Variants in ARMC9 observed in about 807,000 individuals in gnomAD.
ARMC9 encodes armadillo repeat containing 9.
In ARMC9, 94 loss-of-function variants were observed where a neutral mutation model predicts 107.0. The ratio of observed to expected loss-of-function variants is 0.88; its 90% CI spans 0.74 to 1.04. The LOEUF (loss-of-function observed/expected upper bound fraction) is 1.04. Ranked by LOEUF, ARMC9 falls within the 50% of genes least tolerant of loss-of-function variation. ARMC9 has a pLI of 0.00. For synonymous variants in ARMC9, 380 were observed against 396.9 expected (o/e 0.96, Z 0.51); for missense variants, 942 against 1,030.1 (o/e 0.91, Z 1.17).
Position 231,262,336 on chromosome 2 carries a change from A to C in ARMC9, c.1057A>C (p.Arg353=), listed in dbSNP as rs2038445450. ...GACCACATCCCATCCTGGAGAGCAG[A>C]GGGAGACCGTTCTGCAAGCCTACAT... ...RLTTSHPGEQ[R]ETVLQAYISN... Residue 353 remains arginine (R), a synonymous_variant, in exon 12 of 25, where the codon AGG becomes CGG. Coordinates refer to ENST00000611582, the MANE Select transcript of ARMC9 (RefSeq NM_001352754.2). The C allele has an allele frequency of 1.2e-6, 2 of 1,614,068 alleles. No homozygotes were observed. Among genetic ancestry groups the C allele is most frequent in the Non-Finnish European group, 8.5e-7 (1 of 1,180,044 alleles).
In ARMC9 at chr2:231,276,716, C is replaced by T. The variant is rs766125721; in HGVS notation, c.1415C>T (p.Ser472Phe). 3 of 1,614,196 alleles carry T rather than the reference C, an allele frequency of 1.9e-6. No individual in the cohort carries two copies. The highest frequency in any genetic ancestry group is 2.5e-6 in the Non-Finnish European group (3 of 1,180,042). ...VDVLKDPDCL[S>F]DYTLEYSVAL... ...GTTCTGAAGGACCCTGACTGCCTGT[C>T]TGACTACACGCTGGAGTACTCGGTG... Residue 472 changes from serine to phenylalanine, a missense_variant, in exon 15 of 25, where the codon TCT becomes TTT. By Grantham distance (155) the Ser-to-Phe change is radical (BLOSUM62 -2). Coordinates refer to ENST00000611582, the MANE Select transcript of ARMC9 (RefSeq NM_001352754.2).
intron 20 of ARMC9, among the ~76,000 whole-genome samples, chr2:231,343,807 C>T (rs558050834): frequency 2.0e-5 from 3 of 151,886 alleles, no homozygotes; most frequent in African/African-American, 7.2e-5. Flanking sequence ...GACAGAGTGG[C>T]GTGCACTTGT....
At chr2:231,339,322 C>CT (rs1041188666) in intron 20 of ARMC9, among the ~76,000 whole-genome samples, 1 of 148,024 alleles carries the variant, frequency 6.8e-6, no homozygotes, top group African/African-American at 2.5e-5. Flanking sequence ...GAGCAAGACT[C>CT]TGTCTTGTGA....
intron 19 of ARMC9, among the ~76,000 whole-genome samples, chr2:231,307,497 G>T (rs1350047712): frequency 1.3e-5 from 2 of 152,180 alleles, no homozygotes; most frequent in Non-Finnish European, 2.9e-5. Flanking sequence ...TCTGGAAGGG[G>T]CAGTCCCTCC....
Position 231,370,111 on chromosome 2 carries a change from C to T in ARMC9, c.2420C>T (p.Thr807Ile). The T allele has an allele frequency of 6.5e-7, 1 of 1,530,086 alleles. No homozygotes were observed. The highest frequency in any genetic ancestry group is 8.7e-7 in the Non-Finnish European group (1 of 1,143,090). The allele number at this position is 1,530,086 out of a possible 1,614,324, so 94.8% of individuals were successfully genotyped here. A position where few individuals can be genotyped will look rare whatever the true frequency, so the allele number is the denominator to read the frequency against. ...CGCCCCGGCTCCACAGCGTCCTCCACAAGGGGCCTGCCGAGTAAGTCAGCC... is the reference window on the plus strand; with the variant it reads ...CGCCCCGGCTCCACAGCGTCCTCCATAAGGGGCCTGCCGAGTAAGTCAGCC... ...ASRPGSTASS[T>I]RGLPSSQSHR... The change falls in exon 24 of 25, where the codon ACA becomes ATA. Residue 807 changes from threonine to isoleucine, a missense_variant. Physicochemically the swap from Thr to Ile is moderately conservative, Grantham distance 89 (BLOSUM62 -1). Coordinates refer to ENST00000611582, the MANE Select transcript of ARMC9 (RefSeq NM_001352754.2).
rs749322253 is a variant in ARMC9 at position 231,209,049 on chromosome 2, G to A, written c.177+797G>A. The stretch of plus-strand genomic sequence containing the variant: ...CCCTAGTAGCTAGGATTACAGGCAC[G>A]TGCTACTGCGTCTGGCTAATTTTTG... On this transcript the variant is annotated intron_variant, in intron 3 of 24. Coordinates refer to ENST00000611582, the MANE Select transcript of ARMC9 (RefSeq NM_001352754.2). Among the ~76,000 whole-genome samples the A allele has an allele frequency of 4.9e-4, 74 of 150,370 alleles. 1 individual carries two copies. The highest frequency in any genetic ancestry group is 8.7e-4 in the Non-Finnish European group (59 of 67,898).
chr2:231,254,975 C>CA (rs1352936313), intron 9 of ARMC9, among the ~76,000 whole-genome samples: 1 of 152,160 alleles, frequency 6.6e-6, no homozygotes, highest in Non-Finnish European at 1.5e-5. Flanking sequence ...CACATAGCCA[C>CA]AACACCAAAT....
At chr2:231,369,827 C>A in intron 23 of ARMC9, 126 bp from the exon 24 acceptor site, 1 of 1,044,094 alleles carries the variant, frequency 9.6e-7, no homozygotes, top group Non-Finnish European at 1.3e-6. Context: ...CTCCTGACTT[C>A]AGGTGATTTG....
At chr2:231,237,175 C>CGTGTGTGTGTGT (rs58607252) in intron 8 of ARMC9, among the ~76,000 whole-genome samples, 4,030 of 148,768 alleles carry the variant, frequency 0.027, 68 homozygotes, top group Non-Finnish European at 0.036. Flanking sequence ...TCTGCGTATG[C>CGTGTGTGTGTGT]GTGTGTGTGT....
rs115345376 is a variant in ARMC9 at position 231,243,570 on chromosome 2, G to A, written c.879+3529G>A. ...ATGTTAGCAGCAAAATACAGACTTT[G>A]TCTAACCACTGGAAACCAGAGGAGG... is the stretch of plus-strand genomic sequence containing the variant. On this transcript the variant is annotated intron_variant, in intron 9 of 24. Transcript: ENST00000611582. Among the ~76,000 whole-genome samples the A allele has an allele frequency of 4.0e-3, 610 of 152,274 alleles. 3 individuals carry two copies. The highest frequency in any genetic ancestry group is 0.017 in the Middle Eastern group (5 of 294).
intron 23 of ARMC9, among the ~76,000 whole-genome samples, chr2:231,367,268 GT>G (rs1262752163): frequency 6.6e-6 from 1 of 152,142 alleles, no homozygotes; most frequent in Non-Finnish European, 1.5e-5. Context: ...GAGGTGGGAC[GT>G]TACGGATTCC....
chr2:231,327,510 G>A (rs1407382868), intron 19 of ARMC9, among the ~76,000 whole-genome samples: 1 of 152,154 alleles, frequency 6.6e-6, no homozygotes, highest in Non-Finnish European at 1.5e-5. Context: ...GTGTACATCA[G>A]TAGTTCCTTT....
intron 19 of ARMC9, among the ~76,000 whole-genome samples, chr2:231,299,789 A>G (rs990040936): frequency 3.9e-5 from 6 of 152,166 alleles, no homozygotes; most frequent in African/African-American, 1.4e-4. Flanking sequence ...GGGTGTTTTC[A>G]TTGTTTTCTA....
chr2:231,334,885 T>G (rs973394238), intron 20 of ARMC9, among the ~76,000 whole-genome samples: 1 of 152,252 alleles, frequency 6.6e-6, no homozygotes, highest in East Asian at 1.9e-4. Flanking sequence ...GCGTTTTGTG[T>G]GTGTGCCAAG....
intron 7 of ARMC9, 91 bp from the exon 8 acceptor site, chr2:231,235,133 G>A (rs2035589482): frequency 5.2e-6 from 7 of 1,351,392 alleles, no homozygotes; most frequent in Non-Finnish European, 6.9e-6. Context: ...AAACATTCTG[G>A]CAATAAGTAT....
intron 9 of ARMC9, among the ~76,000 whole-genome samples, chr2:231,251,641 G>C (rs977195734): frequency 6.6e-6 from 1 of 152,162 alleles, no homozygotes; most frequent in African/African-American, 2.4e-5. Context: ...TATCACTAGC[G>C]CATAGCAGAG....
At chr2:231,262,199 G>A in intron 11 of ARMC9, 107 bp from the exon 12 acceptor site, 1 of 1,033,058 alleles carries the variant, frequency 9.7e-7, no homozygotes, top group Non-Finnish European at 1.5e-6. Flanking sequence ...ATTTTGTTTG[G>A]TTAAATGTGT....
chr2:231,259,217 G>A (rs2038114428), intron 11 of ARMC9, 115 bp downstream of exon 11: 1 of 891,790 alleles, frequency 1.1e-6, no homozygotes, highest in African/African-American at 1.7e-5. Flanking sequence ...CTTCCCCGCT[G>A]TCTGCTGACA....
chr2:231,335,274 A>G (rs2044009906), intron 20 of ARMC9, among the ~76,000 whole-genome samples: 1 of 152,188 alleles, frequency 6.6e-6, no homozygotes, highest in Admixed American at 6.5e-5. Context: ...TTAAGGATAG[A>G]GTCTAGGCCC....
Sources: gnomAD v4.1 joint callset for allele counts (sites outside exome capture counted in the v4.1 genomes callset) on GRCh38, gnomAD v4.1.1 for gene constraint, MANE v1.5 for transcripts, NCBI Gene and HGNC (gene_info 2026-07-23, HGNC 2026-07-21) for gene names.